Variants in NREP observed in about 807,000 individuals in gnomAD.
NREP encodes neuronal regeneration related protein.
NREP carries 5 observed loss-of-function variants against 8.6 expected under a neutral mutation model. The ratio of observed to expected loss-of-function variants is 0.58; its 90% CI spans 0.30 to 1.22. The LOEUF (loss-of-function observed/expected upper bound fraction) is 1.22. Among genes scored for constraint, NREP ranks in the 50% most tolerant of loss-of-function variants. The pLI, the probability that NREP is intolerant of heterozygous loss-of-function variation, is 0.07. For missense variants in NREP, 86 were observed against 82.5 expected (o/e 1.04, Z -0.17); for synonymous variants, 27 against 28.0 (o/e 0.96, Z 0.11).
rs1261899284 is a variant in NREP, at chr5:111,730,408, T to C, written c.*513A>G. 1 of 152,616 alleles carries C rather than the reference T, an allele frequency of 6.6e-6. No homozygotes were observed. The highest frequency in any genetic ancestry group is 1.5e-5 in the Non-Finnish European group (1 of 68,158). The allele number at this position is 152,616 out of a possible 1,614,324, so 9.5% of individuals were successfully genotyped here. On this transcript the variant is annotated 3_prime_UTR_variant, in exon 4 of 4. Transcript: ENST00000257435. ...GGTCCTGTGGCAGCATCTCGGTCAC[T>C]TACCACAAGGAAACAATGAGTTTCA...
Position 111,972,590 on chromosome 5 carries a change from C to T in NREP, c.135+2684G>A, listed in dbSNP as rs533757821. 2.0e-5 allele frequency among the ~76,000 whole-genome samples: 3 copies of T among 152,300 alleles called. No individual in the cohort carries two copies. In the East Asian group the frequency reaches 5.8e-4, roughly 29 times the overall value. ...TCAAAGCAGAGAATTAATATTTGTG[C>T]ACAAGTCAAAGGGATGGGCTCCCAA... On this transcript the variant is annotated intron_variant, in intron 2 of 3. Coordinates refer to the NREP transcript ENST00000395634.
At chr5:111,781,813 A>T (rs944646224) in intron 2 of NREP, among the ~76,000 whole-genome samples, 2 of 152,152 alleles carry the variant, frequency 1.3e-5, no homozygotes, top group African/African-American at 2.4e-5. Context: ...GACAAAGGCT[A>T]TCGGGGCCAA....
chr5:111,819,365 C>T (rs932667893), intron 2 of NREP, among the ~76,000 whole-genome samples: 1 of 152,172 alleles, frequency 6.6e-6, no homozygotes, highest in African/African-American at 2.4e-5. Flanking sequence ...AGGGGAATGA[C>T]ACAGCAGTAT....
At chr5:111,785,746 T>C (rs927312620) in intron 2 of NREP, among the ~76,000 whole-genome samples, 3 of 152,060 alleles carry the variant, frequency 2.0e-5, no homozygotes, top group African/African-American at 7.2e-5. Context: ...TTTTATTAGA[T>C]TGGGGGAAAT....
upstream of NREP, among the ~76,000 whole-genome samples, chr5:111,761,826 C>G (rs906467575): frequency 6.6e-6 from 1 of 152,032 alleles, no homozygotes; most frequent in Admixed American, 6.6e-5. Context: ...AAGCAGGTGA[C>G]CTAAGTTCAA....
intron 2 of NREP, among the ~76,000 whole-genome samples, chr5:111,765,919 T>C (rs912302849): frequency 5.9e-5 from 9 of 152,172 alleles, no homozygotes; most frequent in Non-Finnish European, 1.2e-4. Flanking sequence ...CTAAATCAGC[T>C]TGTGATTTTT....
intron 2 of NREP, among the ~76,000 whole-genome samples, chr5:111,960,770 A>G (rs573551116): frequency 9.8e-5 from 15 of 152,340 alleles, no homozygotes; most frequent in Non-Finnish European, 1.9e-4. Context: ...TTTACAGTCT[A>G]GAAATAGACG....
At chr5:111,877,257 G>A (rs1753931406) in intron 2 of NREP, among the ~76,000 whole-genome samples, 1 of 152,074 alleles carries the variant, frequency 6.6e-6, no homozygotes, top group African/African-American at 2.4e-5. Flanking sequence ...TACCGCCTGG[G>A]TCTCCGGCAA....
At chr5:111,953,022 T>C (rs1266978192) in intron 2 of NREP, among the ~76,000 whole-genome samples, 1 of 152,124 alleles carries the variant, frequency 6.6e-6, no homozygotes, top group African/African-American at 2.4e-5. Context: ...CACATGTACC[T>C]GTCAAATTAT....
intron 2 of NREP, among the ~76,000 whole-genome samples, chr5:111,818,407 C>T (rs1474024450): frequency 4.6e-5 from 7 of 152,056 alleles, no homozygotes; most frequent in African/African-American, 1.7e-4. Context: ...AAATGAAGTC[C>T]TTGATTATGT....
Position 111,730,582 on chromosome 5 carries a change from G to T in NREP, c.*339C>A. ...CCTCTGCAAGAAGCAGTCGGGAGCT[G>T]TGTGAGTGAAAAGGCAGGAGTGGAC... On this transcript the variant is annotated 3_prime_UTR_variant, in exon 4 of 4. Transcript: ENST00000257435. The T allele has an allele frequency of 5.0e-6, 1 of 198,796 alleles. No individual in the cohort carries two copies. Among genetic ancestry groups the T allele is most frequent in the Non-Finnish European group, 1.0e-5 (1 of 97,970 alleles). 12.3% of individuals were successfully genotyped at this position (198,796 alleles called of 1,614,324 possible).
At chr5:111,731,077 G>GACAC in intron 3 of NREP, 31 bp from the exon 4 acceptor site, 1 of 1,604,714 alleles carries the variant, frequency 6.2e-7, no homozygotes, top group Non-Finnish European at 8.5e-7. Flanking sequence ...CACACAGACA[G>GACAC]ACACACATAA....
rs1561705220 is a variant in NREP, at chr5:111,877,224, G to GCA, written c.135+98049_135+98050insTG. Reference sequence around the variant, plus strand: ...ATCTCTCAATCTTTCCTTCATTCTTGGTTGCTGCTGCTATGGCCCTGTTAC... The same window carrying GCA: ...ATCTCTCAATCTTTCCTTCATTCTTGCAGTTGCTGCTGCTATGGCCCTGTTAC... On this transcript the variant is annotated intron_variant, in intron 2 of 3. Coordinates refer to the NREP transcript ENST00000395634. 2.6e-5 allele frequency among the ~76,000 whole-genome samples: 4 copies of GCA among 152,082 alleles called. No individual in the cohort carries two copies. In the East Asian group the frequency reaches 7.7e-4, roughly 29 times the overall value.
At chr5:111,804,714 C>T (rs1752098543) in intron 2 of NREP, among the ~76,000 whole-genome samples, 1 of 151,458 alleles carries the variant, frequency 6.6e-6, no homozygotes, top group Admixed American at 6.6e-5. Context: ...AAAAAACAAA[C>T]AAACAGAGCC....
intron 2 of NREP, among the ~76,000 whole-genome samples, chr5:111,904,055 A>C (rs2112552855): frequency 6.6e-6 from 1 of 152,258 alleles, no homozygotes; most frequent in East Asian, 1.9e-4. Context: ...TAATTAATAC[A>C]CTATTTTTGG....
At chr5:111,853,682 T>C (rs1282209053) in intron 2 of NREP, among the ~76,000 whole-genome samples, 1 of 149,486 alleles carries the variant, frequency 6.7e-6, no homozygotes, top group Non-Finnish European at 1.5e-5. Context: ...TTCTTTCTTC[T>C]TTTTTTTTTC....
At chr5:111,942,543 AGACTGAAAATCAGG>A (rs1349193802) in intron 2 of NREP, among the ~76,000 whole-genome samples, 1 of 152,060 alleles carries the variant, frequency 6.6e-6, no homozygotes, top group African/African-American at 2.4e-5. Context: ...GTGTGACTCA[AGACTGAAAATCAGG>A]GACAGGGTAC....
intron 2 of NREP, among the ~76,000 whole-genome samples, chr5:111,886,570 C>A (rs1754254326): frequency 6.6e-6 from 1 of 151,130 alleles, no homozygotes; most frequent in Non-Finnish European, 1.5e-5. Flanking sequence ...TTGGAACCAA[C>A]CCAAATGTCC....
At chr5:111,800,496 T>C (rs992985726) in intron 2 of NREP, among the ~76,000 whole-genome samples, 1 of 152,212 alleles carries the variant, frequency 6.6e-6, no homozygotes, top group Admixed American at 6.5e-5. Context: ...TGAATCTGTT[T>C]TACAGCGGAG....
Sources: gnomAD v4.1 joint callset for allele counts (sites outside exome capture counted in the v4.1 genomes callset) on GRCh38, gnomAD v4.1.1 for gene constraint, MANE v1.5 for transcripts, NCBI Gene and HGNC (gene_info 2026-07-23, HGNC 2026-07-21) for gene names.